The following NCKAP5 variants were observed in gnomAD, a reference collection of about 807,000 sequenced individuals.
NCKAP5 encodes the protein nck-associated protein 5.
In NCKAP5, 92 loss-of-function variants were observed where a neutral mutation model predicts 167.0. The observed-to-expected ratio is 0.55, with a 90% CI of 0.47 to 0.66. NCKAP5 has a LOEUF of 0.66. Ranked by LOEUF, NCKAP5 falls within the 30% of genes least tolerant of loss-of-function variation. The pLI is 0.00. For synonymous variants in NCKAP5, 891 were observed against 877.4 expected, an observed-to-expected ratio of 1.02 and a Z score of -0.27; for missense variants, 2,378 against 2,315.0, an observed-to-expected ratio of 1.03 and a Z score of -0.56.
At chr2:133,222,076 A>G (rs1431209067) in intron 4 of NCKAP5, among the ~76,000 whole-genome samples, 1 of 152,200 alleles carries the variant, frequency 6.6e-6, no homozygotes, top group Non-Finnish European at 1.5e-5. Context: ...TAAACCTCAG[A>G]GAATCCCATG....
At chr2:133,028,784 T>A (rs1303093372) in intron 6 of NCKAP5, among the ~76,000 whole-genome samples, 1 of 152,192 alleles carries the variant, frequency 6.6e-6, no homozygotes, top group Admixed American at 6.5e-5. Flanking sequence ...GGTAACTGGA[T>A]CACGGTGATG....
chr2:133,571,745 G>A (rs1688874272), upstream of NCKAP5, among the ~76,000 whole-genome samples: 2 of 152,076 alleles, frequency 1.3e-5, no homozygotes, highest in African/African-American at 4.8e-5. Flanking sequence ...TATTACAAGG[G>A]ACCTACAAGG....
intron 8 of NCKAP5, chr2:132,931,086 C>T (rs1158082124): frequency 6.6e-6 from 1 of 152,134 alleles, no homozygotes; most frequent in African/African-American, 2.4e-5. Context: ...CTCTGGCTAC[C>T]CTGACTTTTA....
intron 2 of NCKAP5, among the ~76,000 whole-genome samples, chr2:133,552,582 C>A (rs1256077206): frequency 8.6e-6 from 1 of 115,660 alleles, no homozygotes; most frequent in Non-Finnish European, 1.7e-5. Context: ...ATATCACACT[C>A]TGCGGACTGT....
chr2:133,226,896 T>C, intron 4 of NCKAP5, among the ~76,000 whole-genome samples: 1 of 152,184 alleles, frequency 6.6e-6, no homozygotes, highest in South Asian at 2.1e-4. Context: ...AGATATATTT[T>C]AATATAAAAT....
At position 132,873,249 on chromosome 2, in the gene NCKAP5, G is replaced by A. The variant is rs181873377; in HGVS notation, c.649-4275C>T. Among the ~76,000 whole-genome samples, 1,090 of 152,030 alleles carry A rather than the reference G, an allele frequency of 7.2e-3. 6 individuals are homozygous for A. The highest frequency in any genetic ancestry group is 0.011 in the Non-Finnish European group (740 of 68,006). On this transcript the variant is annotated intron_variant, in intron 9 of 19. Coordinates refer to ENST00000409261, the MANE Select transcript of NCKAP5 (RefSeq NM_207363.3). ...CTCTGGAGTAGCTGGGACTACAGGCGCCCACCACCATGCCCAGCTCATTTT... is the reference window on the plus strand; with the variant it reads ...CTCTGGAGTAGCTGGGACTACAGGCACCCACCACCATGCCCAGCTCATTTT...
chr2:132,963,988 G>T, intron 7 of NCKAP5, 119 bp from the exon 8 acceptor site: 1 of 1,156,928 alleles, frequency 8.6e-7, no homozygotes, highest in Non-Finnish European at 1.2e-6. Flanking sequence ...CTGGGAGTTT[G>T]CTAAACAAAT....
At chr2:133,272,170 A>T (rs2089543131) in intron 4 of NCKAP5, among the ~76,000 whole-genome samples, 2 of 151,962 alleles carry the variant, frequency 1.3e-5, no homozygotes, top group Non-Finnish European at 2.9e-5. Flanking sequence ...TAATAATTTT[A>T]GTGGACATGT....
the NCKAP5 span, among the ~76,000 whole-genome samples, chr2:133,645,027 T>G: frequency 6.6e-6 from 1 of 152,150 alleles, no homozygotes; most frequent in South Asian, 2.1e-4. Context: ...CAAAGGGAAC[T>G]CCAATTATCC....
chr2:133,484,702 T>C (rs780841588), intron 3 of NCKAP5, among the ~76,000 whole-genome samples: 2 of 152,172 alleles, frequency 1.3e-5, no homozygotes, highest in Non-Finnish European at 2.9e-5. Context: ...TAAAATACTA[T>C]ATAAAATTAC....
At chr2:132,917,123 A>T (rs918490855) in intron 8 of NCKAP5, among the ~76,000 whole-genome samples, 5 of 152,214 alleles carry the variant, frequency 3.3e-5, no homozygotes, top group African/African-American at 1.2e-4. Flanking sequence ...GTTTACAGAT[A>T]AGAAAGCTAA....
chr2:133,282,682 C>G (rs1283595910), intron 4 of NCKAP5, among the ~76,000 whole-genome samples: 3 of 152,176 alleles, frequency 2.0e-5, no homozygotes, highest in African/African-American at 7.2e-5. Flanking sequence ...ATGAATGAAT[C>G]TCTTCTAATC....
chr2:132,899,972 G>A (rs1693492725), intron 8 of NCKAP5, among the ~76,000 whole-genome samples: 1 of 152,164 alleles, frequency 6.6e-6, no homozygotes, highest in Non-Finnish European at 1.5e-5. Context: ...AAGCAGTGTA[G>A]GTTGAATAAT....
chr2:133,547,181 A>T (rs534132993), intron 2 of NCKAP5, among the ~76,000 whole-genome samples: 1 of 152,210 alleles, frequency 6.6e-6, no homozygotes, highest in South Asian at 2.1e-4. Flanking sequence ...GGCTTAAAAA[A>T]CGGCGCGCCA....
chr2:132,752,388 C>T (rs1316442730), intron 16 of NCKAP5, among the ~76,000 whole-genome samples: 2 of 152,198 alleles, frequency 1.3e-5, no homozygotes, highest in Non-Finnish European at 1.5e-5. Context: ...AAGCATTGAG[C>T]TTTGTTCCAC....
chr2:133,190,444 A>C (rs1387917808), intron 5 of NCKAP5, among the ~76,000 whole-genome samples: 2 of 152,194 alleles, frequency 1.3e-5, no homozygotes, highest in Non-Finnish European at 2.9e-5. Context: ...GGAACCAAAA[A>C]AGAGCCCACA....
chr2:133,424,681 G>GGCATC (rs1176402058), intron 3 of NCKAP5, among the ~76,000 whole-genome samples: 1 of 152,198 alleles, frequency 6.6e-6, no homozygotes, highest in Non-Finnish European at 1.5e-5. Flanking sequence ...TCATGGTGTG[G>GGCATC]TCTGTAGGGC....
intron 6 of NCKAP5, among the ~76,000 whole-genome samples, chr2:133,102,850 T>A (rs1270202787): frequency 2.0e-5 from 3 of 150,468 alleles, no homozygotes. Flanking sequence ...GGCTCTGAAG[T>A]GGTATGAGTT....
intron 6 of NCKAP5, among the ~76,000 whole-genome samples, chr2:133,093,525 T>C (rs1040127648): frequency 4.6e-5 from 7 of 152,194 alleles, no homozygotes; most frequent in African/African-American, 1.4e-4. Flanking sequence ...CAAACCCTTC[T>C]CTCTGCAAGG....
Sources: allele counts gnomAD v4.1 joint callset (sites outside exome capture counted in the v4.1 genomes callset), GRCh38; gene constraint gnomAD v4.1.1; transcripts MANE v1.5; gene names NCBI Gene and HGNC (gene_info 2026-07-23, HGNC 2026-07-21).